PAM: variants seen among roughly 807,000 people sequenced by gnomAD.
PAM encodes the protein peptidyl-glycine alpha-amidating monooxygenase.
PAM carries 72 observed loss-of-function variants against 122.1 expected under a neutral mutation model. That is an observed-to-expected ratio of 0.59 (90% CI 0.49 to 0.72). The LOEUF (loss-of-function observed/expected upper bound fraction) is 0.72. PAM is among the 30% of genes least tolerant of loss of function. The probability of loss-of-function intolerance (pLI) is 0.00; values close to 1 mark genes in which losing one functional copy is unlikely to be tolerated. For missense variants in PAM, 1,106 were observed against 1,183.7 expected (o/e 0.93, Z 0.96); for synonymous variants, 389 against 404.4 (o/e 0.96, Z 0.46).
intron 1 of PAM, among the ~76,000 whole-genome samples, chr5:102,854,727 C>T (rs1169775338): frequency 6.6e-6 from 1 of 152,170 alleles, no homozygotes; most frequent in African/African-American, 2.4e-5. Flanking sequence ...CCACTTCTTC[C>T]TAAGCTCAAG....
intron 15 of PAM, among the ~76,000 whole-genome samples, chr5:102,982,343 C>T (rs1185964372): frequency 6.6e-6 from 1 of 152,158 alleles, no homozygotes; most frequent in Non-Finnish European, 1.5e-5. Flanking sequence ...ACTGCCTTTA[C>T]TAATGCCATG....
At chr5:103,019,705 T>C (rs1420202383) in intron 22 of PAM, 85 bp from the exon 23 acceptor site, 2 of 860,636 alleles carry the variant, frequency 2.3e-6, no homozygotes, top group African/African-American at 1.7e-5. Flanking sequence ...TATTTTCTAC[T>C]GAGTAAAATT....
At chr5:102,830,161 C>G (rs1775009794) in intron 1 of PAM, among the ~76,000 whole-genome samples, 1 of 152,142 alleles carries the variant, frequency 6.6e-6, no homozygotes, top group Non-Finnish European at 1.5e-5. Flanking sequence ...CAATGTAATA[C>G]CAGTTGTTAA....
chr5:102,807,825 G>A (rs1214781695), intron 1 of PAM, among the ~76,000 whole-genome samples: 1 of 152,202 alleles, frequency 6.6e-6, no homozygotes, highest in Non-Finnish European at 1.5e-5. Context: ...TTATTGACCT[G>A]TGCCTTCGTC....
rs1274129111 is a variant in PAM, at chr5:102,867,203, CT to C, written c.90-67del. The C allele has an allele frequency of 3.8e-6, 4 of 1,059,204 alleles. No homozygotes were observed. The East Asian group carries it at 9.6e-5, about 25-fold the overall frequency. The allele number at this position is 1,059,204 out of a possible 1,614,324, so 65.6% of individuals were successfully genotyped here. On this transcript the variant is annotated intron_variant, in intron 2 of 25. Transcript: ENST00000438793. The stretch of plus-strand genomic sequence containing the variant: ...ATCTTTAAGGTCATAGAATTCCTTT[CT>C]TTCCCCTTCTCATGTTGAGTTTAGA...
rs146985076 is a variant in PAM at position 102,807,477 on chromosome 5, A to G, written c.-374+52129A>G. On this transcript the variant is annotated intron_variant, in intron 1 of 25. Transcript: ENST00000438793. ...TGCCTGTGATGGAAGAGACTTAACCAGAAAACTGTGGCAGTAGTCAACAGA... is the reference window on the plus strand; with the variant it reads ...TGCCTGTGATGGAAGAGACTTAACCGGAAAACTGTGGCAGTAGTCAACAGA... Among the ~76,000 whole-genome samples, 271 of 152,328 alleles carry G rather than the reference A, an allele frequency of 1.8e-3. 3 individuals carry two copies. Among genetic ancestry groups the G allele is most frequent in the Non-Finnish European group, 5.9e-4 (40 of 68,032 alleles).
intron 23 of PAM, among the ~76,000 whole-genome samples, chr5:103,023,522 CAA>C (rs1784197347): frequency 1.4e-5 from 2 of 145,510 alleles, no homozygotes; most frequent in African/African-American, 5.0e-5. Context: ...AAAAAAAAGA[CAA>C]ATGAGTGGTC....
At chr5:102,834,056 T>C (rs1012531319) in intron 1 of PAM, among the ~76,000 whole-genome samples, 1 of 152,202 alleles carries the variant, frequency 6.6e-6, no homozygotes, top group African/African-American at 2.4e-5. Flanking sequence ...CAAAATGTGT[T>C]CTTTATCCTC....
chr5:103,007,192 TACACAC>T (rs56140031), intron 19 of PAM, among the ~76,000 whole-genome samples, 181 bp downstream of exon 19: 189 of 141,574 alleles, frequency 1.3e-3, no homozygotes, highest in African/African-American at 2.9e-3. Flanking sequence ...CACATATACA[TACACAC>T]ACACACACAC....
At chr5:102,923,535 A>G (rs930454436) in intron 5 of PAM, among the ~76,000 whole-genome samples, 11 of 152,348 alleles carry the variant, frequency 7.2e-5, no homozygotes, top group East Asian at 1.9e-4. Context: ...ACAAATACAC[A>G]AATCAACATA....
intron 3 of PAM, among the ~76,000 whole-genome samples, chr5:102,875,117 C>T (rs912024993): frequency 6.6e-6 from 1 of 151,824 alleles, no homozygotes; most frequent in South Asian, 2.1e-4. Flanking sequence ...TTTTATTCTA[C>T]ATATATTGTA....
chr5:102,996,607 G>A (rs1212950869), intron 16 of PAM, among the ~76,000 whole-genome samples: 1 of 152,136 alleles, frequency 6.6e-6, no homozygotes, highest in Non-Finnish European at 1.5e-5. Context: ...TAACCGTCAG[G>A]GACCAGCTGT....
intron 1 of PAM, among the ~76,000 whole-genome samples, chr5:102,826,542 G>A (rs1158011539): frequency 2.0e-5 from 3 of 152,172 alleles, no homozygotes; most frequent in Admixed American, 6.5e-5. Context: ...GGCACTAAGA[G>A]CTGCTGGTGC....
At chr5:102,988,534 C>A (rs541825546) in intron 15 of PAM, among the ~76,000 whole-genome samples, 4 of 151,394 alleles carry the variant, frequency 2.6e-5, no homozygotes, top group African/African-American at 4.9e-5. Context: ...ACCATAGTAC[C>A]TTACATAGAA....
intron 4 of PAM, among the ~76,000 whole-genome samples, chr5:102,902,147 G>A (rs1257408484): frequency 6.6e-6 from 1 of 151,602 alleles, no homozygotes; most frequent in East Asian, 2.0e-4. Flanking sequence ...CATTTGAGAT[G>A]TTGATTTTGG....
chr5:102,871,267 T>A (rs1202344145), intron 3 of PAM, among the ~76,000 whole-genome samples: 1 of 152,198 alleles, frequency 6.6e-6, no homozygotes, highest in African/African-American at 2.4e-5. Flanking sequence ...AATGTTCAGT[T>A]GCCTTGCACA....
chr5:102,827,059 AGTTT>A (rs1354541220), intron 1 of PAM, among the ~76,000 whole-genome samples: 2 of 152,172 alleles, frequency 1.3e-5, no homozygotes, highest in Non-Finnish European at 2.9e-5. Context: ...TGAACCAGTT[AGTTT>A]GTTTGGAATT....
chr5:102,980,660 C>T (rs981327567), intron 15 of PAM, among the ~76,000 whole-genome samples: 1 of 152,056 alleles, frequency 6.6e-6, no homozygotes. Context: ...TAGGGAATAG[C>T]CTTTAACTAC....
intron 7 of PAM, among the ~76,000 whole-genome samples, chr5:102,928,041 T>C (rs1011475728): frequency 3.3e-5 from 5 of 152,182 alleles, no homozygotes; most frequent in African/African-American, 1.2e-4. Flanking sequence ...AACAGACAGA[T>C]TGTGAGACTG....
Sources: allele counts gnomAD v4.1 joint callset (sites outside exome capture counted in the v4.1 genomes callset), GRCh38; gene constraint gnomAD v4.1.1; transcripts MANE v1.5; gene names NCBI Gene and HGNC (gene_info 2026-07-23, HGNC 2026-07-21).